Variants in TAFA2 observed in about 807,000 individuals in gnomAD.
TAFA2 encodes the protein TAFA chemokine like family member 2.
A neutral mutation model predicts 18.8 loss-of-function variants in TAFA2; 7 were observed. That is an observed-to-expected ratio of 0.37 (90% CI 0.21 to 0.70). The LOEUF (loss-of-function observed/expected upper bound fraction) is 0.70, where lower values mean the gene tolerates loss of function less well. TAFA2 is among the 30% of genes least tolerant of loss of function. The probability of loss-of-function intolerance (pLI) is 0.53; values close to 1 mark genes in which losing one functional copy is unlikely to be tolerated. For synonymous variants in TAFA2, 60 were observed against 54.2 expected, an observed-to-expected ratio of 1.11 and a Z score of -0.47; for missense variants, 122 against 158.1, an observed-to-expected ratio of 0.77 and a Z score of 1.23.
At chr12:61,722,033 A>T (rs182369651) in intron 4 of TAFA2, among the ~76,000 whole-genome samples, 1 of 152,206 alleles carries the variant, frequency 6.6e-6, no homozygotes, top group Non-Finnish European at 1.5e-5. Context: ...TTGAATTTCA[A>T]ATATTTGAAG....
chr12:61,922,474 C>T (rs1877094755), intron 1 of TAFA2, among the ~76,000 whole-genome samples: 1 of 152,178 alleles, frequency 6.6e-6, no homozygotes, highest in East Asian at 1.9e-4. Context: ...GGTAGGGTCA[C>T]CTCACCCAAG....
intron 1 of TAFA2, among the ~76,000 whole-genome samples, chr12:62,000,040 A>G (rs942928033): frequency 6.6e-6 from 1 of 152,214 alleles, no homozygotes; most frequent in African/African-American, 2.4e-5. Context: ...ACCAAAATAA[A>G]TCAGATGCTT....
intron 2 of TAFA2, among the ~76,000 whole-genome samples, chr12:61,802,109 C>G (rs534147287): frequency 1.3e-5 from 2 of 151,878 alleles, no homozygotes; most frequent in African/African-American, 4.8e-5. Context: ...AAAACAAAAA[C>G]TAATTGCTGG....
chr12:62,070,681 T>TC (rs1882608565), intron 1 of TAFA2: 3 of 152,190 alleles, frequency 2.0e-5, no homozygotes, highest in Non-Finnish European at 4.4e-5. Flanking sequence ...CAGAAAAGCC[T>TC]CCTAACTGCC....
chr12:61,708,854 A>G lies in TAFA2; in HGVS notation c.*1552T>C, dbSNP rs1869262210. The G allele has an allele frequency of 6.6e-6, 1 of 152,100 alleles. No homozygotes were observed. Among genetic ancestry groups the G allele is most frequent in the Non-Finnish European group, 1.5e-5 (1 of 67,996 alleles). The allele number at this position is 152,100 out of a possible 1,614,324, so 9.4% of individuals were successfully genotyped here. A position where few individuals can be genotyped will look rare whatever the true frequency, so the allele number is the denominator to read the frequency against. ...AACTAATAGACCAAAGCTCCCCAGG[A>G]TATATGGGCCTCTATCCTGGAAACC... is the stretch of plus-strand genomic sequence containing the variant. On this transcript the variant is annotated 3_prime_UTR_variant, in exon 5 of 5. Coordinates refer to ENST00000416284, the MANE Select transcript of TAFA2 (RefSeq NM_178539.5).
At chr12:62,109,424 C>T (rs948095878) in intron 1 of TAFA2, among the ~76,000 whole-genome samples, 1 of 152,020 alleles carries the variant, frequency 6.6e-6, no homozygotes, top group Non-Finnish European at 1.5e-5. Context: ...GATGCCTCCA[C>T]CTTTGTTATT....
intron 2 of TAFA2, among the ~76,000 whole-genome samples, chr12:61,795,097 T>A (rs958423804): frequency 1.3e-5 from 2 of 152,134 alleles, no homozygotes; most frequent in Non-Finnish European, 2.9e-5. Context: ...CTGGAGAGGA[T>A]GTGGAGAAAT....
intron 2 of TAFA2, among the ~76,000 whole-genome samples, chr12:61,834,415 G>C (rs898181681): frequency 2.6e-5 from 4 of 152,022 alleles, no homozygotes; most frequent in African/African-American, 9.7e-5. Flanking sequence ...TAACTCCACT[G>C]ATTCACAATA....
chr12:62,032,913 C>A (rs1178775393), intron 1 of TAFA2, among the ~76,000 whole-genome samples: 5 of 152,146 alleles, frequency 3.3e-5, no homozygotes, highest in Admixed American at 3.3e-4. Flanking sequence ...CAATGCTTCA[C>A]ATTTTTTCAT....
In TAFA2 at chr12:62,068,841, T is replaced by C. The variant is rs1020234100; in HGVS notation, c.-2+122418A>G. ...CATCCATCAGAAATATTTATAATCATAGACAATCATTTAAAAGTAGAAACT... is the reference window on the plus strand; with the variant it reads ...CATCCATCAGAAATATTTATAATCACAGACAATCATTTAAAAGTAGAAACT... On this transcript the variant is annotated intron_variant, in intron 1 of 4. Transcript: ENST00000416284. 2.6e-5 allele frequency among the ~76,000 whole-genome samples: 4 copies of C among 152,136 alleles called. No homozygotes were observed. In the East Asian group the frequency reaches 7.7e-4, roughly 29 times the overall value.
At chr12:61,749,094 C>T (rs1237718123) in intron 4 of TAFA2, among the ~76,000 whole-genome samples, 3 of 146,668 alleles carry the variant, frequency 2.0e-5, no homozygotes, top group African/African-American at 2.6e-5. Context: ...AGCAAAACCC[C>T]GTTGTTACTA....
intron 1 of TAFA2, among the ~76,000 whole-genome samples, chr12:62,237,016 T>C (rs2062840892): frequency 1.3e-5 from 2 of 152,222 alleles, no homozygotes; most frequent in Non-Finnish European, 2.9e-5. Context: ...TTTTTGGTTA[T>C]TATTTTGTTG....
At chr12:61,918,517 C>G (rs1876921311) in intron 1 of TAFA2, among the ~76,000 whole-genome samples, 1 of 152,074 alleles carries the variant, frequency 6.6e-6, no homozygotes, top group East Asian at 1.9e-4. Context: ...GAATGGTACT[C>G]CATTGTGTAT....
At chr12:61,918,442 A>C (rs1308020331) in intron 1 of TAFA2, among the ~76,000 whole-genome samples, 3 of 152,154 alleles carry the variant, frequency 2.0e-5, no homozygotes, top group African/African-American at 7.2e-5. Context: ...ATTTCTCTTG[A>C]CATAATGACC....
intron 1 of TAFA2, among the ~76,000 whole-genome samples, chr12:62,060,561 T>C (rs348665): frequency 0.83 from 125,911 of 152,218 alleles, 52,264 homozygotes; most frequent in Middle Eastern, 0.87. Flanking sequence ...ATATTTATCA[T>C]TGTTTTAGTG....
chr12:61,876,988 G>C (rs1874876686), intron 1 of TAFA2, among the ~76,000 whole-genome samples: 1 of 152,118 alleles, frequency 6.6e-6, no homozygotes, highest in Admixed American at 6.6e-5. Flanking sequence ...TTTGATAGTT[G>C]TACATTACTT....
intron 1 of TAFA2, among the ~76,000 whole-genome samples, chr12:61,940,522 A>T (rs1051567883): frequency 2.0e-5 from 3 of 152,200 alleles, no homozygotes; most frequent in African/African-American, 7.2e-5. Context: ...CACAAATCTG[A>T]TTCCAGGTAA....
At chr12:62,216,367 T>G (rs562429771) in intron 1 of TAFA2, among the ~76,000 whole-genome samples, 55 of 152,230 alleles carry the variant, frequency 3.6e-4, no homozygotes, top group African/African-American at 1.2e-3. Context: ...GACAGTAAAT[T>G]TTAACAAACA....
At chr12:62,190,145 A>G (rs1170307480) in intron 1 of TAFA2, among the ~76,000 whole-genome samples, 1 of 152,150 alleles carries the variant, frequency 6.6e-6, no homozygotes, top group Admixed American at 6.5e-5. Flanking sequence ...ACATTACTAC[A>G]CATTTGATTC....
Sources: allele counts gnomAD v4.1 joint callset (sites outside exome capture counted in the v4.1 genomes callset), GRCh38; gene constraint gnomAD v4.1.1; transcripts MANE v1.5; gene names NCBI Gene and HGNC (gene_info 2026-07-23, HGNC 2026-07-21).